Variants in ATP6V1C2 observed in about 807,000 individuals in gnomAD.
ATP6V1C2 encodes the protein V-type proton ATPase subunit C 2.
In ATP6V1C2, 45 loss-of-function variants were observed where a neutral mutation model predicts 56.8. The ratio of observed to expected loss-of-function variants is 0.79; its 90% CI spans 0.62 to 1.02. The LOEUF (loss-of-function observed/expected upper bound fraction) is 1.02. ATP6V1C2 is among the 50% of genes least tolerant of loss of function. ATP6V1C2 has a pLI of 0.00. For missense variants in ATP6V1C2, 463 were observed against 519.7 expected, an observed-to-expected ratio of 0.89 and a Z score of 1.06; for synonymous variants, 220 against 201.3, an observed-to-expected ratio of 1.09 and a Z score of -0.79.
chr2:10,781,188 C>CT (rs973846676), intron 12 of ATP6V1C2, among the ~76,000 whole-genome samples: 1 of 152,136 alleles, frequency 6.6e-6, no homozygotes, highest in African/African-American at 2.4e-5. Flanking sequence ...GGGTGCCTAC[C>CT]ACCCACCACA....
chr2:10,746,309 G>A (rs1453929028), intron 3 of ATP6V1C2, among the ~76,000 whole-genome samples: 10 of 151,832 alleles, frequency 6.6e-5, no homozygotes, highest in African/African-American at 1.9e-4. Flanking sequence ...CTTGGCTATT[G>A]TTAATAATGC....
chr2:10,781,397 G>C (rs1665342553), intron 12 of ATP6V1C2, among the ~76,000 whole-genome samples: 1 of 152,098 alleles, frequency 6.6e-6, no homozygotes, highest in South Asian at 2.1e-4. Context: ...AGAATCGGTT[G>C]AACCCAGGAA....
At chr2:10,766,573 A>G (rs1664234062) in intron 5 of ATP6V1C2, among the ~76,000 whole-genome samples, 2 of 151,866 alleles carry the variant, frequency 1.3e-5, no homozygotes, top group Non-Finnish European at 2.9e-5. Flanking sequence ...GACAAGCAGT[A>G]TTTTTTTTCG....
chr2:10,756,285 G>A (rs941533231), intron 4 of ATP6V1C2, among the ~76,000 whole-genome samples: 7 of 152,100 alleles, frequency 4.6e-5, no homozygotes, highest in African/African-American at 1.2e-4. Flanking sequence ...GCTTGAACCC[G>A]GGAGGCAGAG....
intron 3 of ATP6V1C2, among the ~76,000 whole-genome samples, chr2:10,745,217 T>C (rs1279245755): frequency 1.5e-4 from 23 of 151,256 alleles, no homozygotes; most frequent in Admixed American, 1.4e-3. Context: ...TTTGTATTTT[T>C]AGGAGAGATG....
At chr2:10,766,295 C>T (rs1336757220) in intron 5 of ATP6V1C2, among the ~76,000 whole-genome samples, 1 of 152,176 alleles carries the variant, frequency 6.6e-6, no homozygotes, top group Admixed American at 6.5e-5. Context: ...CCCGCCTCAG[C>T]CTCGCTCTGC....
intron 3 of ATP6V1C2, among the ~76,000 whole-genome samples, chr2:10,751,887 C>T (rs867218270): frequency 7.9e-5 from 12 of 152,142 alleles, no homozygotes; most frequent in Middle Eastern, 3.4e-3. Context: ...GCCTGAGGAT[C>T]GCTTTAGCCC....
rs543570501 is a variant in ATP6V1C2 at position 10,739,225 on chromosome 2, G to A, written c.197+12656G>A. 2.0e-5 allele frequency among the ~76,000 whole-genome samples: 3 copies of A among 152,290 alleles called. No individual in the cohort carries two copies. The South Asian group carries it at 6.2e-4, about 32-fold the overall frequency. On this transcript the variant is annotated intron_variant, in intron 3 of 13. Coordinates refer to ENST00000272238, the MANE Select transcript of ATP6V1C2 (RefSeq NM_001039362.2). Reference sequence around the variant, plus strand: ...TTGAACCCGGGAGACGGAGGTTGCGGTGAGCCGAGATCTCGCCATGGCACT... The same window carrying A: ...TTGAACCCGGGAGACGGAGGTTGCGATGAGCCGAGATCTCGCCATGGCACT...
At chr2:10,761,316 G>A (rs1044193477) in intron 4 of ATP6V1C2, among the ~76,000 whole-genome samples, 1 of 152,054 alleles carries the variant, frequency 6.6e-6, no homozygotes, top group Non-Finnish European at 1.5e-5. Flanking sequence ...CCCAGCTTGT[G>A]GGATGGCTCT....
At chr2:10,764,178 C>T (rs13430518) in intron 4 of ATP6V1C2, among the ~76,000 whole-genome samples, 153 bp from the exon 5 acceptor site, 3,487 of 152,290 alleles carry the variant, frequency 0.023, 113 homozygotes, top group African/African-American at 0.078. Context: ...CCGCAGGGAA[C>T]GTTTGCTTTT....
At chr2:10,764,860 G>C (rs1161583303) in intron 5 of ATP6V1C2, among the ~76,000 whole-genome samples, 1 of 152,018 alleles carries the variant, frequency 6.6e-6, no homozygotes, top group Non-Finnish European at 1.5e-5. Context: ...AGTCCTTGCT[G>C]CTCGGGAGGT....
chr2:10,762,121 G>A (rs1441906191), intron 4 of ATP6V1C2, among the ~76,000 whole-genome samples: 2 of 151,906 alleles, frequency 1.3e-5, no homozygotes, highest in Non-Finnish European at 2.9e-5. Context: ...ATCATCATAG[G>A]GTTTTAATGG....
At position 10,777,686 on chromosome 2, in the gene ATP6V1C2, G is replaced by A; in HGVS notation, c.927G>A (p.Gln309=). The part of the protein sequence containing the change: ...LGNPDRPAAG[Q]TDRERESEGE... ...ACCCTGATAGGCCTGCTGCGGGGCA[G>A]ACCGACAGAGAGAGAGAGAGTGAGG... is the stretch of plus-strand genomic sequence containing the variant. The change falls in exon 11 of 14, where the codon CAG becomes CAA. Residue 309 remains glutamine (Q), a synonymous_variant. Transcript: ENST00000272238. 3.1e-6 allele frequency: 5 copies of A among 1,613,984 alleles called. No homozygotes were observed. The highest frequency in any genetic ancestry group is 4.2e-6 in the Non-Finnish European group (5 of 1,180,012).
chr2:10,744,489 G>A (rs950121265), intron 3 of ATP6V1C2, among the ~76,000 whole-genome samples: 17 of 152,158 alleles, frequency 1.1e-4, no homozygotes, highest in East Asian at 5.8e-4. Context: ...ACCTATAGAC[G>A]AGCATTTGAC....
chr2:10,777,757 C>G, intron 11 of ATP6V1C2, 35 bp downstream of exon 11: 1 of 1,580,676 alleles, frequency 6.3e-7, no homozygotes, highest in Non-Finnish European at 8.6e-7. Context: ...GGGTCCCTGG[C>G]TCACATCTCC....
intron 4 of ATP6V1C2, among the ~76,000 whole-genome samples, chr2:10,755,715 C>T (rs1365044304): frequency 6.6e-6 from 1 of 152,212 alleles, no homozygotes; most frequent in Admixed American, 6.5e-5. Context: ...CTCACCCTCA[C>T]CGATTTATCC....
chr2:10,755,184 A>G (rs1042488837), intron 4 of ATP6V1C2, among the ~76,000 whole-genome samples: 9 of 152,082 alleles, frequency 5.9e-5, no homozygotes, highest in Non-Finnish European at 1.2e-4. Flanking sequence ...TTACAGGCAT[A>G]TGCCGCCATG....
Position 10,774,917 on chromosome 2 carries a change from G to A in ATP6V1C2, c.731+37G>A, listed in dbSNP as rs578166941. The A allele has an allele frequency of 2.9e-5, 47 of 1,610,486 alleles. No homozygotes were observed. The East Asian group carries it at 4.5e-4, about 15-fold the overall frequency. Reference sequence around the variant, plus strand: ...CCAGGTTTGGTTCATCTCCCGCTGCGGGGGGTCTCTGCCCCTCTGGAAAGC... The same window carrying A: ...CCAGGTTTGGTTCATCTCCCGCTGCAGGGGGTCTCTGCCCCTCTGGAAAGC... On this transcript the variant is annotated intron_variant, in intron 9 of 13. Coordinates refer to ENST00000272238, the MANE Select transcript of ATP6V1C2 (RefSeq NM_001039362.2).
chr2:10,737,260 CAAAAA>C (rs70953338), intron 3 of ATP6V1C2, among the ~76,000 whole-genome samples: 2 of 123,080 alleles, frequency 1.6e-5, no homozygotes, highest in Non-Finnish European at 3.4e-5. Context: ...ACTAAAAATA[CAAAAA>C]AAAAAAAAAA....
Sources: gnomAD v4.1 joint callset for allele counts (sites outside exome capture counted in the v4.1 genomes callset) on GRCh38, gnomAD v4.1.1 for gene constraint, MANE v1.5 for transcripts, NCBI Gene and HGNC (gene_info 2026-07-23, HGNC 2026-07-21) for gene names.